CWH43: variants seen among roughly 807,000 people sequenced by gnomAD.
CWH43 encodes the protein cell wall biogenesis 43 C-terminal homolog.
In CWH43, 91 loss-of-function variants were observed where a neutral mutation model predicts 85.7. The ratio of observed to expected loss-of-function variants is 1.06; its 90% CI spans 0.90 to 1.26. The LOEUF (loss-of-function observed/expected upper bound fraction) is 1.26. Ranked by LOEUF, CWH43 falls within the 50% of genes most tolerant of loss-of-function variation. CWH43 has a pLI of 0.00. For missense variants in CWH43, 869 were observed against 839.2 expected (o/e 1.04, Z -0.44); for synonymous variants, 323 against 293.6 (o/e 1.10, Z -1.02).
chr4:49,025,260 CA>C (rs766102306), intron 9 of CWH43, among the ~76,000 whole-genome samples: 32 of 151,680 alleles, frequency 2.1e-4, no homozygotes, highest in African/African-American at 3.1e-4. Flanking sequence ...TATCCTGTAT[CA>C]TTTTTTTTTT....
chr4:49,057,853 T>C (rs934880339), intron 15 of CWH43, among the ~76,000 whole-genome samples: 21 of 152,290 alleles, frequency 1.4e-4, no homozygotes, highest in Non-Finnish European at 2.9e-4. Context: ...TTGAGCACTT[T>C]AGTATAATGA....
At chr4:49,030,674 C>A in intron 10 of CWH43, 151 bp from the exon 11 acceptor site, 2 of 562,130 alleles carry the variant, frequency 3.6e-6, no homozygotes, top group Non-Finnish European at 5.5e-6. Flanking sequence ...CAGATTTGAG[C>A]CACTTCTCTC....
intron 14 of CWH43, 131 bp downstream of exon 14, chr4:49,044,978 A>G (rs1463836607): frequency 1.5e-6 from 1 of 661,874 alleles, no homozygotes; most frequent in East Asian, 2.7e-5. Flanking sequence ...ATCAATGTTT[A>G]TAAACATTGA....
rs781735117 is a variant in CWH43, at chr4:48,991,516, G to A, written c.298G>A (p.Val100Met). The A allele has an allele frequency of 1.9e-6, 3 of 1,613,920 alleles. No homozygotes were observed. Residue 100 changes from valine to methionine, a missense_variant, in exon 3 of 16, where the codon GTG becomes ATG. Val to Met is a conservative substitution (Grantham distance 21). Around this residue, in one of 3 missense-constraint regions of CWH43, gnomAD observed 140 missense variants for 122.6 expected, o/e 1.14. Coordinates refer to ENST00000226432, the MANE Select transcript of CWH43 (RefSeq NM_025087.3). ...TCGACTGATGGTTCTTGCGCTTGGG[G>A]TGTCTTCCTCACTGATAGTGCAAGC... is the stretch of plus-strand genomic sequence containing the variant. ...KLRLMVLALG[V>M]SSSLIVQAVT...
chr4:48,999,093 G>T (rs1361743222), intron 6 of CWH43, among the ~76,000 whole-genome samples: 1 of 152,022 alleles, frequency 6.6e-6, no homozygotes, highest in African/African-American at 2.4e-5. Context: ...ACCTGCCTCT[G>T]GTGGACCCCA....
intron 6 of CWH43, 169 bp from the exon 7 acceptor site, chr4:49,003,566 G>A: frequency 1.6e-6 from 1 of 641,912 alleles, no homozygotes; most frequent in Non-Finnish European, 2.7e-6. Context: ...ATAACTGGCT[G>A]TGTGACATTA....
At chr4:48,995,787 C>G (rs1404457722) in intron 5 of CWH43, among the ~76,000 whole-genome samples, 2 of 152,216 alleles carry the variant, frequency 1.3e-5, no homozygotes, top group Non-Finnish European at 2.9e-5. Context: ...ACCCCTTCTT[C>G]TCTATCCCTA....
At chr4:49,013,631 C>CT (rs56338496) in intron 8 of CWH43, among the ~76,000 whole-genome samples, 3 of 151,250 alleles carry the variant, frequency 2.0e-5, no homozygotes, top group Non-Finnish European at 2.9e-5. Context: ...TATTTCTCTA[C>CT]TTTTTTTTTT....
At chr4:49,059,295 G>A (rs1364024385) in intron 15 of CWH43, among the ~76,000 whole-genome samples, 2 of 152,082 alleles carry the variant, frequency 1.3e-5, no homozygotes, top group Middle Eastern at 3.4e-3. Flanking sequence ...TAGAATTTCT[G>A]TTTGGTTCTT....
intron 2 of CWH43, 101 bp downstream of exon 2, chr4:48,988,769 A>G: frequency 1.3e-6 from 1 of 744,784 alleles, no homozygotes. Context: ...GAATTTAAAA[A>G]ATCAAAGATT....
intron 8 of CWH43, chr4:49,016,696 C>G: frequency 1.3e-6 from 1 of 769,856 alleles, no homozygotes; most frequent in Non-Finnish European, 2.4e-6. Flanking sequence ...AGTCCATTCA[C>G]CTTATCTGTG....
Position 49,007,249 on chromosome 4 carries a change from A to C in CWH43, c.1109A>C (p.Lys370Thr). 1 of 1,612,024 alleles carries C rather than the reference A, an allele frequency of 6.2e-7. No homozygotes were observed. The highest frequency in any genetic ancestry group is 1.1e-5 in the South Asian group (1 of 90,520). The change falls in exon 8 of 16, where the codon AAA (lysine) becomes ACA (threonine). Residue 370 changes from lysine to threonine, a missense_variant. Lys to Thr is a moderately conservative substitution (Grantham distance 78, BLOSUM62 -1). Around this residue, in one of 3 missense-constraint regions of CWH43, gnomAD observed 577 missense variants for 513.1 expected, o/e 1.12. Coordinates refer to ENST00000226432, the MANE Select transcript of CWH43 (RefSeq NM_025087.3). Reference sequence around the variant, plus strand: ...CTGAATATGCTATTTGGTCCTAAGAAAAACCTTGACTTGCTTCTTCAAACA... The same window carrying C: ...CTGAATATGCTATTTGGTCCTAAGACAAACCTTGACTTGCTTCTTCAAACA... ...IGLNMLFGPK[K>T]NLDLLLQTKN...
chr4:49,042,251 T>G (rs1333209260), intron 13 of CWH43, among the ~76,000 whole-genome samples: 1 of 152,132 alleles, frequency 6.6e-6, no homozygotes, highest in African/African-American at 2.4e-5. Context: ...CATGGGCTAC[T>G]TGGGCCTCCT....
At chr4:49,030,782 G>A (rs1784069587) in intron 10 of CWH43, 43 bp from the exon 11 acceptor site, 1 of 1,494,944 alleles carries the variant, frequency 6.7e-7, no homozygotes, top group African/African-American at 1.4e-5. Flanking sequence ...TTTTTGCCTT[G>A]CTGTGATTCA....
At chr4:49,025,402 TG>T (rs927654012) in intron 9 of CWH43, among the ~76,000 whole-genome samples, 1 of 152,228 alleles carries the variant, frequency 6.6e-6, no homozygotes, top group African/African-American at 2.4e-5. Flanking sequence ...TGAGCTAGTG[TG>T]ATCTTTTGGG....
chr4:49,009,397 A>G (rs1438969304), intron 8 of CWH43, among the ~76,000 whole-genome samples: 1 of 152,100 alleles, frequency 6.6e-6, no homozygotes, highest in Non-Finnish European at 1.5e-5. Flanking sequence ...GGGTTTTCTA[A>G]ATATACAGTC....
At chr4:49,057,591 G>T (rs547996092) in intron 15 of CWH43, among the ~76,000 whole-genome samples, 1 of 152,088 alleles carries the variant, frequency 6.6e-6, no homozygotes, top group Non-Finnish European at 1.5e-5. Flanking sequence ...TATACTCTGC[G>T]GCTGTTGGGT....
chr4:49,027,150 C>T (rs992866559), intron 9 of CWH43, among the ~76,000 whole-genome samples: 1 of 152,202 alleles, frequency 6.6e-6, no homozygotes, highest in African/African-American at 2.4e-5. Flanking sequence ...TCTGAGGCTT[C>T]TTCAGCTGTC....
intron 15 of CWH43, among the ~76,000 whole-genome samples, chr4:49,055,532 T>C (rs1784923079): frequency 6.6e-6 from 1 of 152,128 alleles, no homozygotes; most frequent in Non-Finnish European, 1.5e-5. Flanking sequence ...AATTTGCAGG[T>C]GTTCCCTCCT....
Sources: gnomAD v4.1 joint callset for allele counts (sites outside exome capture counted in the v4.1 genomes callset) on GRCh38, gnomAD v4.1.1 for gene constraint, gnomAD v4.1.1 regional missense constraint, MANE v1.5 for transcripts, NCBI Gene and HGNC (gene_info 2026-07-23, HGNC 2026-07-21) for gene names.